The following PPIP5K2 variants were observed in gnomAD, a reference collection of about 807,000 sequenced individuals.
PPIP5K2 encodes the protein inositol hexakisphosphate and diphosphoinositol-pentakisphosphate kinase 2.
In PPIP5K2, 105 loss-of-function variants were observed where a neutral mutation model predicts 154.6. The ratio of observed to expected loss-of-function variants is 0.68; its 90% CI spans 0.58 to 0.80. The LOEUF is 0.80. Among genes scored for constraint, PPIP5K2 ranks in the 30% least tolerant of loss-of-function variants. The pLI is 0.00. For missense variants in PPIP5K2, 992 were observed against 1,504.6 expected (o/e 0.66, Z 5.64); for synonymous variants, 480 against 490.3 (o/e 0.98, Z 0.28).
chr5:103,187,406 T>A, intron 28 of PPIP5K2, 30 bp downstream of exon 28: 1 of 1,449,878 alleles, frequency 6.9e-7, no homozygotes, highest in Non-Finnish European at 9.3e-7. Context: ...TAAAAGATAC[T>A]CCCCTGCTTC....
intron 30 of PPIP5K2, among the ~76,000 whole-genome samples, chr5:103,198,449 G>C (rs1580495797): frequency 6.6e-6 from 1 of 152,040 alleles, no homozygotes; most frequent in East Asian, 1.9e-4. Context: ...GTTTTTCTTT[G>C]GCAGAGGGGT....
chr5:103,121,690 T>C (rs1554199097), intron 1 of PPIP5K2, among the ~76,000 whole-genome samples: 1 of 152,244 alleles, frequency 6.6e-6, no homozygotes, highest in Non-Finnish European at 1.5e-5. Flanking sequence ...AATACTGTAC[T>C]TACTGCAGCA....
At chr5:103,149,505 C>T (rs1794273612) in intron 8 of PPIP5K2, among the ~76,000 whole-genome samples, 192 bp downstream of exon 8, 1 of 151,864 alleles carries the variant, frequency 6.6e-6, no homozygotes, top group African/African-American at 2.4e-5. Context: ...AAAAGAAAAC[C>T]TGGTCAATTT....
At chr5:103,132,122 C>T (rs1347123710) in intron 2 of PPIP5K2, among the ~76,000 whole-genome samples, 1 of 152,108 alleles carries the variant, frequency 6.6e-6, no homozygotes, top group Non-Finnish European at 1.5e-5. Flanking sequence ...GGGATAAATA[C>T]AGAAGATTCC....
intron 29 of PPIP5K2, among the ~76,000 whole-genome samples, chr5:103,192,957 G>C (rs149560817): frequency 3.3e-5 from 5 of 152,128 alleles, no homozygotes; most frequent in Admixed American, 3.3e-4. Flanking sequence ...TCTTCAAACT[G>C]TATTCCCAAG....
chr5:103,167,934 C>T (rs185133135), intron 18 of PPIP5K2, 138 bp from the exon 19 acceptor site: 5 of 533,752 alleles, frequency 9.4e-6, no homozygotes, highest in South Asian at 6.0e-5. Flanking sequence ...TTGCTAGTAG[C>T]GTATGCCTAA....
intron 17 of PPIP5K2, among the ~76,000 whole-genome samples, chr5:103,163,445 C>T (rs910682168): frequency 2.0e-5 from 3 of 151,812 alleles, no homozygotes; most frequent in South Asian, 2.1e-4. Context: ...TAGGCATCAA[C>T]CTTGTCGAAC....
Position 103,204,555 on chromosome 5 carries a change from C to G in PPIP5K2, c.*2921C>G, listed in dbSNP as rs1356009948. On this transcript the variant is annotated 3_prime_UTR_variant, in exon 31 of 31. Transcript: ENST00000358359. ...GAACTCCTGGGCTCAAGAAATCTTT[C>G]TGCTTCAGCCTCCTAAATAGCTGGT... is the stretch of plus-strand genomic sequence containing the variant. 1 of 152,204 alleles carries G rather than the reference C, an allele frequency of 6.6e-6. No homozygotes were observed. Among genetic ancestry groups the G allele is most frequent in the Non-Finnish European group, 1.5e-5 (1 of 68,054 alleles). 9.4% of individuals were successfully genotyped at this position (152,204 alleles called of 1,614,324 possible).
intron 18 of PPIP5K2, 33 bp from the exon 19 acceptor site, chr5:103,168,039 G>A (rs1797403152): frequency 2.9e-6 from 4 of 1,359,008 alleles, no homozygotes; most frequent in Non-Finnish European, 4.1e-6. Context: ...AGATTTTTAA[G>A]TTGCATAAAC....
At position 103,208,988 on chromosome 5, in the gene PPIP5K2, G is replaced by A. The variant is rs1554232434; in HGVS notation, c.*7354G>A. 6.6e-6 allele frequency: 1 copy of A among 152,136 alleles called. No homozygotes were observed. Among genetic ancestry groups the A allele is most frequent in the East Asian group, 1.9e-4 (1 of 5,198 alleles). The allele number at this position is 152,136 out of a possible 1,614,324, so 9.4% of individuals were successfully genotyped here. On this transcript the variant is annotated 3_prime_UTR_variant, in exon 31 of 31. Transcript: ENST00000358359. Reference sequence around the variant, plus strand: ...AATATTCTTTGACAAGAAGGAAGAGGAGGAGGAAGAAGAACAAAAGAAGCC... The same window carrying A: ...AATATTCTTTGACAAGAAGGAAGAGAAGGAGGAAGAAGAACAAAAGAAGCC...
Position 103,180,093 on chromosome 5 carries a change from C to A in PPIP5K2, c.2827C>A (p.Arg943=). 6.2e-7 allele frequency: 1 copy of A among 1,602,194 alleles called. No individual in the cohort carries two copies. Among genetic ancestry groups the A allele is most frequent in the Non-Finnish European group, 8.5e-7 (1 of 1,174,900 alleles). The change falls in exon 24 of 31, where the codon CGA becomes AGA. Residue 943 remains arginine (R), a synonymous_variant. Transcript: ENST00000358359. ...TACTTCTAAAAGAGATGAAGTTGAT[C>A]GAGCTGTGATATTGTTTAAACCAAT... ...PHTSKRDEVD[R]AVILFKPMVS...
intron 5 of PPIP5K2, among the ~76,000 whole-genome samples, chr5:103,145,236 A>T (rs1793560870): frequency 6.6e-6 from 1 of 152,188 alleles, no homozygotes; most frequent in Admixed American, 6.5e-5. Context: ...AATGGCTTTT[A>T]TCAAGAAGAC....
intron 1 of PPIP5K2, among the ~76,000 whole-genome samples, chr5:103,123,383 G>A (rs1345009627): frequency 6.6e-6 from 1 of 152,202 alleles, no homozygotes; most frequent in African/African-American, 2.4e-5. Flanking sequence ...AGGACGACGA[G>A]CAACATCAGC....
Position 103,208,705 on chromosome 5 carries a change from T to C in PPIP5K2, c.*7071T>C, listed in dbSNP as rs1554232417. The stretch of plus-strand genomic sequence containing the variant: ...ATTGTTTTAGAGAAGGAACTAGTTG[T>C]TGTTGTTTTTTTTTCCCTGTCTCAG... On this transcript the variant is annotated 3_prime_UTR_variant, in exon 31 of 31. Transcript: ENST00000358359. The C allele has an allele frequency of 6.6e-6, 1 of 152,216 alleles. No homozygotes were observed. The highest frequency in any genetic ancestry group is 2.4e-5 in the African/African-American group (1 of 41,440). 9.4% of individuals were successfully genotyped at this position (152,216 alleles called of 1,614,324 possible).
At chr5:103,148,755 A>C (rs1236497713) in intron 7 of PPIP5K2, among the ~76,000 whole-genome samples, 1 of 151,524 alleles carries the variant, frequency 6.6e-6, no homozygotes, top group East Asian at 1.9e-4. Flanking sequence ...TCTTACCTGC[A>C]CTCAGATTAT....
At chr5:103,171,249 G>A (rs1797933032) in intron 19 of PPIP5K2, among the ~76,000 whole-genome samples, 1 of 151,464 alleles carries the variant, frequency 6.6e-6, no homozygotes, top group South Asian at 2.1e-4. Flanking sequence ...TAAAAATGAT[G>A]CTTTATAGCC....
chr5:103,173,566 C>G (rs1177069426), intron 20 of PPIP5K2, among the ~76,000 whole-genome samples: 3 of 151,882 alleles, frequency 2.0e-5, no homozygotes, highest in African/African-American at 7.2e-5. Flanking sequence ...ATCTTTAGGT[C>G]TATAACCTCT....
Position 103,154,617 on chromosome 5 carries a change from T to A in PPIP5K2, c.1218-53T>A, listed in dbSNP as rs891746049. ...TATTATTTGTTAGTTTAAACATATA[T>A]TGGTAATGTTAATTATTGCAAGTGA... On this transcript the variant is annotated intron_variant, in intron 11 of 30. Transcript: ENST00000358359. 2.3e-5 allele frequency: 24 copies of A among 1,063,316 alleles called. No homozygotes were observed. The Admixed American group carries it at 3.0e-4, about 13-fold the overall frequency. 65.9% of individuals were successfully genotyped at this position (1,063,316 alleles called of 1,614,324 possible).
intron 5 of PPIP5K2, among the ~76,000 whole-genome samples, chr5:103,139,385 A>C (rs1554205604): frequency 6.6e-6 from 1 of 152,250 alleles, no homozygotes; most frequent in African/African-American, 2.4e-5. Context: ...ATGCACCTTC[A>C]TAAGAACCAA....
Sources: allele counts gnomAD v4.1 joint callset (sites outside exome capture counted in the v4.1 genomes callset), GRCh38; gene constraint gnomAD v4.1.1; transcripts MANE v1.5; gene names NCBI Gene and HGNC (gene_info 2026-07-23, HGNC 2026-07-21).